Variants in LHFPL3 observed in about 807,000 individuals in gnomAD.
LHFPL3 encodes LHFPL tetraspan subfamily member 3.
LHFPL3 carries 5 observed loss-of-function variants against 19.3 expected under a neutral mutation model. That is an observed-to-expected ratio of 0.26 (90% CI 0.14 to 0.54). The LOEUF is 0.54. Ranked by LOEUF, LHFPL3 falls within the 20% of genes least tolerant of loss-of-function variation. The pLI, the probability that LHFPL3 is intolerant of heterozygous loss-of-function variation, is 0.94. For synonymous variants in LHFPL3, 133 were observed against 126.2 expected, an observed-to-expected ratio of 1.05 and a Z score of -0.36; for missense variants, 249 against 307.4, an observed-to-expected ratio of 0.81 and a Z score of 1.42.
intron 1 of LHFPL3, among the ~76,000 whole-genome samples, chr7:104,677,695 T>C (rs1413096892): frequency 6.6e-6 from 1 of 152,234 alleles, no homozygotes; most frequent in Non-Finnish European, 1.5e-5. Flanking sequence ...TCCGTATCTA[T>C]GCTGTCCAGT....
chr7:104,896,623 G>A (rs777531323), intron 2 of LHFPL3, among the ~76,000 whole-genome samples: 7 of 152,100 alleles, frequency 4.6e-5, no homozygotes, highest in Admixed American at 6.5e-5. Flanking sequence ...AAGGAGCAAA[G>A]GCCCAGAGGT....
chr7:104,593,016 G>A (rs549397032), intron 1 of LHFPL3, among the ~76,000 whole-genome samples: 10 of 152,020 alleles, frequency 6.6e-5, no homozygotes, highest in Admixed American at 1.3e-4. Flanking sequence ...TTTTTTGAAG[G>A]GTTTTTTGTG....
chr7:104,402,059 T>C (rs906044723), intron 1 of LHFPL3, among the ~76,000 whole-genome samples: 1 of 150,600 alleles, frequency 6.6e-6, no homozygotes, highest in Admixed American at 6.6e-5. Context: ...TAAGGCCACA[T>C]GGGTATAATC....
At chr7:104,873,396 A>G (rs963935536) in intron 2 of LHFPL3, among the ~76,000 whole-genome samples, 1 of 152,190 alleles carries the variant, frequency 6.6e-6, no homozygotes, top group African/African-American at 2.4e-5. Flanking sequence ...AATAGGTGGG[A>G]GAATCACTTG....
At chr7:104,888,151 A>C (rs1017516804) in intron 2 of LHFPL3, among the ~76,000 whole-genome samples, 3 of 152,184 alleles carry the variant, frequency 2.0e-5, no homozygotes, top group Non-Finnish European at 4.4e-5. Flanking sequence ...AATATTAGAG[A>C]CACTGCATTA....
chr7:104,625,447 C>G (rs1290804744), intron 1 of LHFPL3, among the ~76,000 whole-genome samples: 2 of 152,186 alleles, frequency 1.3e-5, no homozygotes, highest in South Asian at 2.1e-4. Context: ...CTCATGGGCA[C>G]AAGCCCAGCA....
intron 2 of LHFPL3, among the ~76,000 whole-genome samples, chr7:104,848,899 G>GTTTTTTT (rs1791363133): frequency 6.6e-6 from 1 of 150,936 alleles, no homozygotes; most frequent in African/African-American, 2.4e-5. Context: ...TTGTTTTTTT[G>GTTTTTTT]GTTTTTTTTT....
intron 1 of LHFPL3, among the ~76,000 whole-genome samples, chr7:104,568,964 A>G (rs1790175484): frequency 6.7e-6 from 1 of 150,254 alleles, no homozygotes. Flanking sequence ...GGCTAACATA[A>G]TTATGTTTGA....
chr7:104,698,068 C>T (rs1793030276), intron 1 of LHFPL3, among the ~76,000 whole-genome samples: 1 of 152,194 alleles, frequency 6.6e-6, no homozygotes, highest in Non-Finnish European at 1.5e-5. Flanking sequence ...CTCTGAAATG[C>T]TAGAGGAACG....
At chr7:104,408,015 T>C (rs1403725174) in intron 1 of LHFPL3, among the ~76,000 whole-genome samples, 1 of 152,194 alleles carries the variant, frequency 6.6e-6, no homozygotes, top group African/African-American at 2.4e-5. Context: ...CCTCTGGATC[T>C]TCTTTTGAAC....
intron 1 of LHFPL3, among the ~76,000 whole-genome samples, chr7:104,391,456 G>T (rs1457275607): frequency 2.0e-5 from 3 of 152,082 alleles, no homozygotes; most frequent in East Asian, 1.9e-4. Context: ...TTTCCCCATT[G>T]CTTGTTTTTG....
intron 1 of LHFPL3, among the ~76,000 whole-genome samples, chr7:104,443,359 T>C (rs932805997): frequency 1.3e-5 from 2 of 152,194 alleles, no homozygotes; most frequent in Non-Finnish European, 2.9e-5. Flanking sequence ...ATGACCATTA[T>C]CTCCAGTGCA....
At position 104,329,351 on chromosome 7, in the gene LHFPL3, T is replaced by G. The variant is rs1194919108; in HGVS notation, c.445+127T>G. The G allele has an allele frequency of 3.2e-6, 4 of 1,261,990 alleles. No homozygotes were observed. The East Asian group carries it at 7.5e-5, about 24-fold the overall frequency. 78.2% of individuals were successfully genotyped at this position (1,261,990 alleles called of 1,614,324 possible). The stretch of plus-strand genomic sequence containing the variant: ...CCAAGCCGCCTAATCCGCTCAGGCG[T>G]CGAGGTGTGGGGGGCGGGAGCCCAG... On this transcript the variant is annotated intron_variant, in intron 1 of 2. Transcript: ENST00000424859.
chr7:104,832,285 C>T (rs1790967665), intron 2 of LHFPL3, among the ~76,000 whole-genome samples: 1 of 151,872 alleles, frequency 6.6e-6, no homozygotes, highest in Non-Finnish European at 1.5e-5. Flanking sequence ...ATATTAATAT[C>T]CCTAGCATTA....
chr7:104,795,695 A>G (rs899329227), intron 2 of LHFPL3, among the ~76,000 whole-genome samples: 1 of 152,200 alleles, frequency 6.6e-6, no homozygotes, highest in Non-Finnish European at 1.5e-5. Flanking sequence ...TATAAATCAG[A>G]AACTCTTAAT....
intron 1 of LHFPL3, among the ~76,000 whole-genome samples, chr7:104,612,604 G>A (rs752612991): frequency 5.9e-5 from 9 of 152,086 alleles, no homozygotes; most frequent in African/African-American, 1.7e-4. Flanking sequence ...CTTTGGCTTC[G>A]AAAATTAGAC....
intron 1 of LHFPL3, among the ~76,000 whole-genome samples, chr7:104,525,799 G>A (rs911797750): frequency 2.6e-5 from 4 of 152,068 alleles, no homozygotes; most frequent in Admixed American, 1.3e-4. Context: ...TAGAGACAGA[G>A]TTTTGCCATG....
intron 2 of LHFPL3, among the ~76,000 whole-genome samples, chr7:104,847,555 G>A (rs1481631998): frequency 6.6e-6 from 1 of 152,188 alleles, no homozygotes; most frequent in Non-Finnish European, 1.5e-5. Context: ...CTGTTGCCCA[G>A]ACTGGAGTGC....
intron 1 of LHFPL3, among the ~76,000 whole-genome samples, chr7:104,455,981 A>C (rs1240713960): frequency 1.3e-5 from 2 of 152,150 alleles, no homozygotes; most frequent in Non-Finnish European, 2.9e-5. Flanking sequence ...TCTGATGTCC[A>C]GTTCAGCATA....
Sources: allele counts gnomAD v4.1 joint callset (sites outside exome capture counted in the v4.1 genomes callset), GRCh38; gene constraint gnomAD v4.1.1; transcripts MANE v1.5; gene names NCBI Gene and HGNC (gene_info 2026-07-23, HGNC 2026-07-21).